Variants in PSMD1 observed in about 807,000 individuals in gnomAD.
The protein encoded by PSMD1 is proteasome 26S subunit, non-ATPase 1, also known as 26S proteasome non-ATPase regulatory subunit 1.
In PSMD1, 18 loss-of-function variants were observed where a neutral mutation model predicts 119.0. The ratio of observed to expected loss-of-function variants is 0.15; its 90% CI spans 0.10 to 0.22. The LOEUF is 0.22. Ranked by LOEUF, PSMD1 falls within the 10% of genes least tolerant of loss-of-function variation. The pLI, the probability that PSMD1 is intolerant of heterozygous loss-of-function variation, is 1.00. For synonymous variants in PSMD1, 374 were observed against 396.6 expected (o/e 0.94, Z 0.68); for missense variants, 702 against 1,158.5 (o/e 0.61, Z 5.72).
chr2:231,151,231 T>C (rs1433303210), intron 18 of PSMD1, among the ~76,000 whole-genome samples: 1 of 152,150 alleles, frequency 6.6e-6, no homozygotes, highest in East Asian at 1.9e-4. Context: ...TTAGAAAATC[T>C]TAATCCTCAC....
chr2:231,119,730 G>A (rs955228709), intron 16 of PSMD1, among the ~76,000 whole-genome samples: 1 of 151,990 alleles, frequency 6.6e-6, no homozygotes, highest in Non-Finnish European at 1.5e-5. Context: ...ACTTAGCCAG[G>A]TGTGGTGGCC....
intron 15 of PSMD1, among the ~76,000 whole-genome samples, chr2:231,085,995 AT>A (rs1304769169): frequency 2.0e-5 from 3 of 151,138 alleles, no homozygotes; most frequent in Non-Finnish European, 4.4e-5. Context: ...CTAAATGTTC[AT>A]ATTTTGCAAA....
At position 231,083,336 on chromosome 2, in the gene PSMD1, A is replaced by G. The variant is rs74968016; in HGVS notation, c.1526-231A>G. ...AAATCACTGTAGGATTTGATGGTACATTCTGTCAAAGTTTAAAAGGAAAAC... is the reference window on the plus strand; with the variant it reads ...AAATCACTGTAGGATTTGATGGTACGTTCTGTCAAAGTTTAAAAGGAAAAC... On this transcript the variant is annotated intron_variant, in intron 13 of 24. Coordinates refer to ENST00000308696, the MANE Select transcript of PSMD1 (RefSeq NM_002807.4). Among the ~76,000 whole-genome samples the G allele has an allele frequency of 1.2e-4, 19 of 152,352 alleles. No individual in the cohort carries two copies. The East Asian group carries it at 3.7e-3, about 29-fold the overall frequency.
chr2:231,066,576 A>G (rs1261950385), intron 4 of PSMD1, among the ~76,000 whole-genome samples: 1 of 152,194 alleles, frequency 6.6e-6, no homozygotes, highest in Non-Finnish European at 1.5e-5. Flanking sequence ...ACAGGGTCCC[A>G]TTGTGGTGCT....
intron 19 of PSMD1, 69 bp from the exon 20 acceptor site, chr2:231,161,271 G>T: frequency 9.0e-6 from 11 of 1,225,062 alleles, no homozygotes; most frequent in Admixed American, 2.5e-5. Context: ...GAAAGATATC[G>T]TTATTATTGT....
chr2:231,159,247 C>A (rs1696578497), intron 19 of PSMD1, among the ~76,000 whole-genome samples: 1 of 152,184 alleles, frequency 6.6e-6, no homozygotes, highest in Non-Finnish European at 1.5e-5. Context: ...TTTCAAAGTT[C>A]TGTGATCCAG....
At chr2:231,152,543 TA>T (rs1469342233) in intron 18 of PSMD1, among the ~76,000 whole-genome samples, 20 of 152,188 alleles carry the variant, frequency 1.3e-4, no homozygotes, top group African/African-American at 4.6e-4. Flanking sequence ...AAACAGCTTA[TA>T]AGAACAGCTT....
intron 16 of PSMD1, among the ~76,000 whole-genome samples, chr2:231,100,696 A>G (rs1232546769): frequency 2.0e-5 from 3 of 152,194 alleles, no homozygotes; most frequent in Non-Finnish European, 4.4e-5. Context: ...ATCTAACACA[A>G]CAGTTTGCAT....
chr2:231,087,520 T>C (rs1213404460), intron 16 of PSMD1, among the ~76,000 whole-genome samples: 1 of 152,246 alleles, frequency 6.6e-6, no homozygotes, highest in Non-Finnish European at 1.5e-5. Flanking sequence ...TATTATCTCT[T>C]ACACAGGTTT....
intron 16 of PSMD1, among the ~76,000 whole-genome samples, chr2:231,089,894 C>A (rs911796822): frequency 2.0e-5 from 3 of 152,146 alleles, no homozygotes; most frequent in Non-Finnish European, 2.9e-5. Flanking sequence ...CCCACTGACT[C>A]CAATGTTAAT....
chr2:231,166,116 A>C, intron 23 of PSMD1, 99 bp downstream of exon 23: 2 of 1,197,758 alleles, frequency 1.7e-6, no homozygotes, highest in Non-Finnish European at 2.3e-6. Flanking sequence ...AAAGCATTGG[A>C]GCAAGCTCAC....
intron 17 of PSMD1, among the ~76,000 whole-genome samples, chr2:231,144,603 G>C (rs923189503): frequency 6.6e-6 from 1 of 150,832 alleles, no homozygotes; most frequent in African/African-American, 2.4e-5. Context: ...TAGTAGAGAA[G>C]GGGTTTTACC....
intron 16 of PSMD1, among the ~76,000 whole-genome samples, chr2:231,102,849 T>C (rs1694900367): frequency 6.6e-6 from 1 of 152,242 alleles, no homozygotes; most frequent in Non-Finnish European, 1.5e-5. Context: ...GGATACTGCC[T>C]GTTATAGCTT....
chr2:231,125,437 A>C (rs1056860875), intron 16 of PSMD1, among the ~76,000 whole-genome samples: 5 of 152,184 alleles, frequency 3.3e-5, no homozygotes, highest in Non-Finnish European at 5.9e-5. Context: ...AGTGATTTCT[A>C]CAGTTCTGAT....
intron 12 of PSMD1, among the ~76,000 whole-genome samples, chr2:231,081,008 G>C (rs1460142856): frequency 6.6e-6 from 1 of 152,068 alleles, no homozygotes; most frequent in African/African-American, 2.4e-5. Flanking sequence ...GCCGGGCATG[G>C]TGGTGGGCAC....
chr2:231,064,105 A>G (rs1574702340), intron 4 of PSMD1, among the ~76,000 whole-genome samples: 1 of 152,206 alleles, frequency 6.6e-6, no homozygotes, highest in African/African-American at 2.4e-5. Flanking sequence ...CCTTCTAAAC[A>G]CTGTATCATT....
rs1052137581 is a variant in PSMD1 at position 231,083,014 on chromosome 2, G to T, written c.1525+20G>T. 1.3e-6 allele frequency: 2 copies of T among 1,532,814 alleles called. No individual in the cohort carries two copies. The highest frequency in any genetic ancestry group is 9.0e-7 in the Non-Finnish European group (1 of 1,107,836). 95.0% of individuals were successfully genotyped at this position (1,532,814 alleles called of 1,614,324 possible). Reference sequence around the variant, plus strand: ...TAACAGGTAAGCATTTCTTTCTAAAGCTAACAAGCTTAAGTATTAATTAAT... The same window carrying T: ...TAACAGGTAAGCATTTCTTTCTAAATCTAACAAGCTTAAGTATTAATTAAT... On this transcript the variant is annotated intron_variant, in intron 13 of 24. Transcript: ENST00000308696.
intron 1 of PSMD1, among the ~76,000 whole-genome samples, chr2:231,058,709 C>T (rs955532261): frequency 1.3e-5 from 2 of 152,014 alleles, no homozygotes; most frequent in Admixed American, 6.6e-5. Context: ...GTACTGTCTT[C>T]ACTCAATACA....
At chr2:231,134,903 A>T (rs1044479017) in intron 16 of PSMD1, among the ~76,000 whole-genome samples, 6 of 152,246 alleles carry the variant, frequency 3.9e-5, no homozygotes, top group African/African-American at 1.4e-4. Context: ...TGAACTTAGT[A>T]GAAAATACTT....
Sources: gnomAD v4.1 joint callset for allele counts (sites outside exome capture counted in the v4.1 genomes callset) on GRCh38, gnomAD v4.1.1 for gene constraint, MANE v1.5 for transcripts, NCBI Gene and HGNC (gene_info 2026-07-23, HGNC 2026-07-21) for gene names.